The following PDE4A variants were observed in gnomAD, a reference collection of about 807,000 sequenced individuals.
PDE4A encodes the protein phosphodiesterase 4A, also known as 3',5'-cyclic-AMP phosphodiesterase 4A.
Under a neutral mutation model 73.9 loss-of-function variants are expected in PDE4A, and 21 were observed. The observed-to-expected ratio is 0.28, with a 90% CI of 0.20 to 0.41. PDE4A has a LOEUF of 0.41. Ranked by LOEUF, PDE4A falls within the 10% of genes least tolerant of loss-of-function variation. PDE4A has a pLI of 1.00. For missense variants in PDE4A, 958 were observed against 1,211.4 expected (o/e 0.79, Z 3.10); for synonymous variants, 463 against 505.4 (o/e 0.92, Z 1.13).
intron 14 of PDE4A, among the ~76,000 whole-genome samples, chr19:10,466,094 C>G (rs901863575): frequency 7.3e-5 from 11 of 150,946 alleles, no homozygotes; most frequent in Non-Finnish European, 1.3e-4. Context: ...CTTCCACCTC[C>G]CAGGTTCAAG....
chr19:10,431,581 G>C (rs1357693714), intron 1 of PDE4A, among the ~76,000 whole-genome samples: 1 of 152,230 alleles, frequency 6.6e-6, no homozygotes, highest in Non-Finnish European at 1.5e-5. Flanking sequence ...GCCACATCCA[G>C]TCTGGCTTTC....
At chr19:10,429,866 G>A (rs1297992886) in intron 1 of PDE4A, among the ~76,000 whole-genome samples, 1 of 152,134 alleles carries the variant, frequency 6.6e-6, no homozygotes, top group East Asian at 1.9e-4. Flanking sequence ...AGGCATTCCC[G>A]AGGTTGTCTT....
intron 1 of PDE4A, among the ~76,000 whole-genome samples, chr19:10,425,554 A>G (rs997966219): frequency 2.0e-5 from 3 of 152,220 alleles, no homozygotes; most frequent in African/African-American, 7.2e-5. Context: ...CCCATATTTC[A>G]TTGGTAACAG....
In PDE4A at chr19:10,450,865, A is replaced by G. The variant is rs779188872; in HGVS notation, c.707A>G (p.Glu236Gly). 1 of 1,612,080 alleles carries G rather than the reference A, an allele frequency of 6.2e-7. No homozygotes were observed. Among genetic ancestry groups the G allele is most frequent in the Non-Finnish European group, 8.5e-7 (1 of 1,179,202 alleles). Reference sequence around the variant, plus strand: ...CAGCAGTTGGCCCGGGAGACTCTGGAGGAGCTGGACTGGTGTCTGGAGCAG... The same window carrying G: ...CAGCAGTTGGCCCGGGAGACTCTGGGGGAGCTGGACTGGTGTCTGGAGCAG... ...TCQQLARETLEELDWCLEQLE... is the reference protein window; with the variant it reads ...TCQQLARETLGELDWCLEQLE... The change falls in exon 6 of 15, where the codon GAG becomes GGG. Residue 236 changes from glutamate (E) to glycine (G), a missense_variant. Glu to Gly is a moderately conservative substitution (Grantham distance 98, BLOSUM62 -2). Transcript: ENST00000380702.
At chr19:10,434,837 C>T (rs990155393) in intron 1 of PDE4A, among the ~76,000 whole-genome samples, 1 of 151,340 alleles carries the variant, frequency 6.6e-6, no homozygotes, top group Non-Finnish European at 1.5e-5. Context: ...GTGATCTGCC[C>T]GCCTTGGCCT....
intron 14 of PDE4A, among the ~76,000 whole-genome samples, chr19:10,465,635 C>T (rs7247481): frequency 0.27 from 38,162 of 141,736 alleles, 5,770 homozygotes; most frequent in East Asian, 0.53. Flanking sequence ...CACTTTATAA[C>T]GTAGTTATGT....
intron 1 of PDE4A, among the ~76,000 whole-genome samples, chr19:10,440,598 A>G (rs1225869352): frequency 6.6e-6 from 1 of 151,288 alleles, no homozygotes; most frequent in African/African-American, 2.4e-5. Context: ...TAATTATTTT[A>G]TTTATTTATG....
At chr19:10,443,353 T>G (rs924470187) in intron 1 of PDE4A, among the ~76,000 whole-genome samples, 1 of 152,018 alleles carries the variant, frequency 6.6e-6, no homozygotes, top group Non-Finnish European at 1.5e-5. Flanking sequence ...CAGACCAACC[T>G]GGACAACATG....
At chr19:10,419,634 A>C (rs559272308), upstream of PDE4A, 1 of 152,914 alleles carries the variant, frequency 6.5e-6, no homozygotes, top group African/African-American at 2.4e-5. Flanking sequence ...CACACCCCAG[A>C]AACACCCCAG....
intron 7 of PDE4A, among the ~76,000 whole-genome samples, chr19:10,456,599 C>G (rs2043174461): frequency 6.6e-6 from 1 of 151,874 alleles, no homozygotes; most frequent in African/African-American, 2.4e-5. Flanking sequence ...TGCCTGTGGT[C>G]CCAGCTACCT....
intron 2 of PDE4A, among the ~76,000 whole-genome samples, chr19:10,446,729 G>T (rs1220978341): frequency 6.6e-6 from 1 of 152,016 alleles, no homozygotes; most frequent in Non-Finnish European, 1.5e-5. Context: ...CGAGTAGCTG[G>T]GACTACAGGC....
At position 10,468,483 on chromosome 19, in the gene PDE4A, C is replaced by G. The variant is rs560093785; in HGVS notation, c.*862C>G. 2 of 135,326 alleles carry G rather than the reference C, an allele frequency of 1.5e-5. No homozygotes were observed. The highest frequency in any genetic ancestry group is 2.6e-4 in the South Asian group (1 of 3,878). The allele number at this position is 135,326 out of a possible 1,614,324, so 8.4% of individuals were successfully genotyped here. On this transcript the variant is annotated 3_prime_UTR_variant, in exon 15 of 15. Coordinates refer to ENST00000380702, the MANE Select transcript of PDE4A (RefSeq NM_001111307.2). ...GGGGCAGTGGCTCTGATCCACTCAC[C>G]CCCCCGCCCCCCGCCCCACTTCTAG...
At chr19:10,456,676 C>T in intron 7 of PDE4A, among the ~76,000 whole-genome samples, 1 of 151,202 alleles carries the variant, frequency 6.6e-6, no homozygotes, top group South Asian at 2.1e-4. Flanking sequence ...ATGATTGCGC[C>T]ACTGCACTCC....
intron 13 of PDE4A, among the ~76,000 whole-genome samples, chr19:10,462,268 T>C (rs890099938): frequency 1.3e-5 from 2 of 151,846 alleles, no homozygotes. Flanking sequence ...GATTCTCCTG[T>C]CTCAGCCTGC....
chr19:10,417,554 C>T (rs191709676), upstream of PDE4A: 1,514 of 1,450,216 alleles, frequency 1.0e-3, 9 homozygotes, highest in African/African-American at 0.018. Context: ...GAGCCTATAC[C>T]GCCATTAACT....
At chr19:10,439,882 A>G (rs2042913375) in intron 1 of PDE4A, among the ~76,000 whole-genome samples, 1 of 150,140 alleles carries the variant, frequency 6.7e-6, no homozygotes, top group Non-Finnish European at 1.5e-5. Context: ...TCCCCAAAAT[A>G]CCCTCCTTGG....
At chr19:10,421,235 C>G (rs2145440597) in intron 1 of PDE4A, 151 bp downstream of exon 1, 1 of 985,326 alleles carries the variant, frequency 1.0e-6, no homozygotes, top group Middle Eastern at 5.2e-4. Context: ...GCGTCTGGGA[C>G]CTGGCCCCTG....
Position 10,436,968 on chromosome 19 carries a change from G to A in PDE4A, c.321-9250G>A, listed in dbSNP as rs2042873496. On this transcript the variant is annotated intron_variant, in intron 1 of 14. Transcript: ENST00000380702. Reference sequence around the variant, plus strand: ...TCAGGAGAATTGCTTGAGCCCGGCAGCAGAGGTTGCAGTGAGCTGAGATCA... The same window carrying A: ...TCAGGAGAATTGCTTGAGCCCGGCAACAGAGGTTGCAGTGAGCTGAGATCA... 2.0e-5 allele frequency among the ~76,000 whole-genome samples: 3 copies of A among 152,144 alleles called. No homozygotes were observed. In the South Asian group the frequency reaches 6.2e-4, roughly 31 times the overall value.
rs143530352 is a variant in PDE4A, at chr19:10,424,136, C to T, written c.320+3052C>T. Among the ~76,000 whole-genome samples, 661 of 152,330 alleles carry T rather than the reference C, an allele frequency of 4.3e-3. 10 individuals carry two copies. Among genetic ancestry groups the T allele is most frequent in the African/African-American group, 0.015 (610 of 41,574 alleles). On this transcript the variant is annotated intron_variant, in intron 1 of 14. Coordinates refer to ENST00000380702, the MANE Select transcript of PDE4A (RefSeq NM_001111307.2). The surrounding 1 kb of genome is among the most constrained non-coding windows in gnomAD (Gnocchi z 4.8). ...CAACCGGAGATGTCATCCAAACCTC[C>T]CCTCCAGACCTGAAGATGTATGAGA...
Sources: gnomAD v4.1 joint callset for allele counts (sites outside exome capture counted in the v4.1 genomes callset) on GRCh38, gnomAD v4.1.1 for gene constraint, Gnocchi (gnomAD v3.1) non-coding constraint, MANE v1.5 for transcripts, NCBI Gene and HGNC (gene_info 2026-07-23, HGNC 2026-07-21) for gene names.